CBY2: variants seen among roughly 807,000 people sequenced by gnomAD.
CBY2 encodes the protein protein chibby homolog 2.
In CBY2, 23 loss-of-function variants were observed where a neutral mutation model predicts 25.3. The ratio of observed to expected loss-of-function variants is 0.91; its 90% CI spans 0.65 to 1.29. The LOEUF is 1.29. Ranked by LOEUF, CBY2 falls within the 50% of genes most tolerant of loss-of-function variation. The pLI is 0.00. For synonymous variants in CBY2, 279 were observed against 260.2 expected (o/e 1.07, Z -0.70); for missense variants, 642 against 590.7 (o/e 1.09, Z -0.90).
At chr13:45,708,767 A>T (rs984224252) in intron 2 of CBY2, among the ~76,000 whole-genome samples, 7 of 152,208 alleles carry the variant, frequency 4.6e-5, no homozygotes, top group African/African-American at 1.7e-4. Flanking sequence ...CTACTGAAAA[A>T]TTTTTAAATG....
Position 45,713,657 on chromosome 13 carries a change from A to G in CBY2, c.632A>G (p.Glu211Gly). 1 of 1,613,374 alleles carries G rather than the reference A, an allele frequency of 6.2e-7. No individual in the cohort carries two copies. The highest frequency in any genetic ancestry group is 8.5e-7 in the Non-Finnish European group (1 of 1,179,980). The change falls in exon 3 of 3, where the codon GAG becomes GGG. Residue 211 changes from glutamate (E) to glycine (G), a missense_variant. Transcript: ENST00000310521. This position sits in a 1 kb window ranked among gnomAD's most constrained non-coding sequence, Gnocchi z 5.0. ...CACAAGGCCTCGCTGGGCCGAGAGG[A>G]GAGCCGGGCCCCCTCGCCACTGCTG... ...EEHKASLGRE[E>G]SRAPSPLLHK...
intron 2 of CBY2, chr13:45,703,374 A>T: frequency 1.4e-6 from 2 of 1,442,900 alleles, no homozygotes; most frequent in Non-Finnish European, 1.8e-6. Context: ...TCAGTCAATG[A>T]ATTGGTGAAG....
chr13:45,706,528 T>A (rs1366683935), intron 2 of CBY2, among the ~76,000 whole-genome samples: 2 of 152,242 alleles, frequency 1.3e-5, no homozygotes, highest in Non-Finnish European at 2.9e-5. Context: ...CCCTTCTGCA[T>A]CAGCTTCATA....
intron 1 of CBY2, 48 bp from the exon 2 acceptor site, chr13:45,702,727 G>C: frequency 6.7e-7 from 1 of 1,483,184 alleles, no homozygotes; most frequent in Non-Finnish European, 9.4e-7. Flanking sequence ...TTGAGGCCCA[G>C]AGGATGAGCT....
rs779530749 is a variant in CBY2, at chr13:45,714,341, G to A, written c.1316G>A (p.Ser439Asn). ...EELYAFMPAR[S>N]QDPKKPSRV Reference sequence around the variant, plus strand: ...CTCTACGCCTTCATGCCGGCCAGGAGCCAGGACCCCAAGAAGCCTAGCAGG... The same window carrying A: ...CTCTACGCCTTCATGCCGGCCAGGAACCAGGACCCCAAGAAGCCTAGCAGG... Residue 439 changes from serine to asparagine, a missense_variant, in exon 3 of 3, where the codon AGC becomes AAC. Physicochemically the swap from Ser to Asn is conservative, Grantham distance 46. Coordinates refer to ENST00000310521, the MANE Select transcript of CBY2 (RefSeq NM_152719.3). The A allele has an allele frequency of 6.2e-7, 1 of 1,610,814 alleles. No individual in the cohort carries two copies. The highest frequency in any genetic ancestry group is 1.7e-5 in the Admixed American group (1 of 59,796).
intron 2 of CBY2, among the ~76,000 whole-genome samples, chr13:45,712,495 T>A (rs1275803356): frequency 6.6e-6 from 1 of 152,210 alleles, no homozygotes; most frequent in African/African-American, 2.4e-5. Context: ...ATCCACCAAA[T>A]CAATACTTGT....
intron 1 of CBY2, 51 bp downstream of exon 1, chr13:45,702,516 G>A: frequency 6.6e-7 from 1 of 1,509,306 alleles, no homozygotes; most frequent in Non-Finnish European, 9.2e-7. Context: ...AGGGAAGCAG[G>A]TACAGCTATC....
intron 2 of CBY2, chr13:45,703,365 C>A: frequency 7.0e-7 from 1 of 1,436,930 alleles, no homozygotes; most frequent in Non-Finnish European, 9.1e-7. Context: ...GATGCTTTTT[C>A]AGTCAATGAA....
intron 2 of CBY2, among the ~76,000 whole-genome samples, chr13:45,710,469 G>C (rs964010178): frequency 6.6e-6 from 1 of 152,186 alleles, no homozygotes; most frequent in Non-Finnish European, 1.5e-5. Context: ...GTTGCAGTGA[G>C]CCGAAATCGT....
chr13:45,710,511 A>C (rs1470183256), intron 2 of CBY2, among the ~76,000 whole-genome samples: 1 of 152,170 alleles, frequency 6.6e-6, no homozygotes, highest in African/African-American at 2.4e-5. Context: ...CGACAGAGTG[A>C]GACTCCGTCT....
Position 45,714,387 on chromosome 13 carries a change from A to C in CBY2, c.*15A>C, listed in dbSNP as rs999273059. On this transcript the variant is annotated 3_prime_UTR_variant, in exon 3 of 3. Transcript: ENST00000310521. ...GCAGGGTCTGAGGCCTCGGCCTTGCACCGGGACGCCGAGTTTGGGACACCG... is the reference window on the plus strand; with the variant it reads ...GCAGGGTCTGAGGCCTCGGCCTTGCCCCGGGACGCCGAGTTTGGGACACCG... 69 of 1,560,244 alleles carry C rather than the reference A, an allele frequency of 4.4e-5. No homozygotes were observed. Among genetic ancestry groups the C allele is most frequent in the Non-Finnish European group, 5.9e-5 (68 of 1,151,352 alleles).
In CBY2 at chr13:45,714,075, C is replaced by T. The variant is rs558946400; in HGVS notation, c.1050C>T (p.Pro350=). The T allele has an allele frequency of 3.7e-5, 56 of 1,525,474 alleles. No homozygotes were observed. The highest frequency in any genetic ancestry group is 4.4e-5 in the Non-Finnish European group (50 of 1,135,278). The allele number at this position is 1,525,474 out of a possible 1,614,324, so 94.5% of individuals were successfully genotyped here. ...AGGCCAAGGTGGGCCCGGGCCTGCCCGACGGCTGCCAGCCCCTGCAGCTGC... is the reference window on the plus strand; with the variant it reads ...AGGCCAAGGTGGGCCCGGGCCTGCCTGACGGCTGCCAGCCCCTGCAGCTGC... ...EEEAKVGPGL[P]DGCQPLQLLR... The change falls in exon 3 of 3, where the codon CCC becomes CCT. Residue 350 remains proline (P), a synonymous_variant. Coordinates refer to ENST00000310521, the MANE Select transcript of CBY2 (RefSeq NM_152719.3).
chr13:45,710,312 C>T (rs1950262387), intron 2 of CBY2, among the ~76,000 whole-genome samples: 1 of 152,118 alleles, frequency 6.6e-6, no homozygotes, highest in Non-Finnish European at 1.5e-5. Context: ...ATCACAAGGT[C>T]AAGAGATCGA....
At chr13:45,706,898 T>C in intron 2 of CBY2, among the ~76,000 whole-genome samples, 1 of 152,160 alleles carries the variant, frequency 6.6e-6, no homozygotes, top group Non-Finnish European at 1.5e-5. Context: ...CTCAGATGCT[T>C]AGTTTTTGGG....
intron 2 of CBY2, among the ~76,000 whole-genome samples, chr13:45,711,862 T>C (rs1030730597): frequency 6.6e-6 from 1 of 152,322 alleles, no homozygotes; most frequent in South Asian, 2.1e-4. Context: ...TATCACCACA[T>C]GTTGAACGCT....
intron 2 of CBY2, among the ~76,000 whole-genome samples, chr13:45,711,012 G>A (rs183449091): frequency 6.6e-6 from 1 of 152,182 alleles, no homozygotes; most frequent in African/African-American, 2.4e-5. Flanking sequence ...TATCTGTACG[G>A]TTGTGAAAGT....
At position 45,713,409 on chromosome 13, in the gene CBY2, C is replaced by G. The variant is rs764100141; in HGVS notation, c.384C>G (p.Phe128Leu). 1 of 1,614,072 alleles carries G rather than the reference C, an allele frequency of 6.2e-7. No homozygotes were observed. The highest frequency in any genetic ancestry group is 8.5e-7 in the Non-Finnish European group (1 of 1,180,036). ...PPRVQLSDEM[F>L]VFQDGRWVNE... is the part of the protein sequence containing the mutation. ...GGGTGCAGCTCAGCGACGAGATGTT[C>G]GTGTTCCAGGACGGGCGCTGGGTAA... Residue 128 changes from phenylalanine (F) to leucine (L), a missense_variant, in exon 3 of 3, where the codon TTC becomes TTG. Physicochemically the swap from Phe to Leu is conservative, Grantham distance 22 (BLOSUM62 0). Transcript: ENST00000310521. This position sits in a 1 kb window ranked among gnomAD's most constrained non-coding sequence, Gnocchi z 5.0.
intron 2 of CBY2, among the ~76,000 whole-genome samples, chr13:45,705,292 C>T (rs1221532829): frequency 2.0e-5 from 3 of 152,204 alleles, no homozygotes; most frequent in Admixed American, 1.3e-4. Context: ...CACAGACTTT[C>T]GCGTTTCCCC....
Position 45,713,578 on chromosome 13 carries a change from G to A in CBY2, c.553G>A (p.Glu185Lys), listed in dbSNP as rs1386968171. Residue 185 changes from glutamate (E) to lysine (K), a missense_variant, in exon 3 of 3, where the codon GAG (glutamate) becomes AAG (lysine). Coordinates refer to ENST00000310521, the MANE Select transcript of CBY2 (RefSeq NM_152719.3). This position sits in a 1 kb window ranked among gnomAD's most constrained non-coding sequence, Gnocchi z 5.0. ...LREENKALRE[E>K]NRMLSKENKI... Reference sequence around the variant, plus strand: ...GGAGGAGAACAAGGCCCTGCGCGAGGAGAACCGGATGCTCAGCAAGGAGAA... The same window carrying A: ...GGAGGAGAACAAGGCCCTGCGCGAGAAGAACCGGATGCTCAGCAAGGAGAA... The A allele has an allele frequency of 1.2e-6, 2 of 1,613,838 alleles. No individual in the cohort carries two copies. The highest frequency in any genetic ancestry group is 1.7e-6 in the Non-Finnish European group (2 of 1,179,922).
Sources: allele counts gnomAD v4.1 joint callset (sites outside exome capture counted in the v4.1 genomes callset), GRCh38; gene constraint gnomAD v4.1.1; non-coding constraint Gnocchi (gnomAD v3.1); transcripts MANE v1.5; gene names NCBI Gene and HGNC (gene_info 2026-07-23, HGNC 2026-07-21).